Variants in TOMM70 observed in about 807,000 individuals in gnomAD.
TOMM70 encodes translocase of outer mitochondrial membrane 70.
Under a neutral mutation model 73.6 loss-of-function variants are expected in TOMM70, and 13 were observed. The observed-to-expected ratio is 0.18, with a 90% confidence interval of 0.11 to 0.28. The LOEUF is 0.28. TOMM70 is among the 10% of genes least tolerant of loss of function. The pLI is 1.00. For missense variants in TOMM70, 609 were observed against 747.5 expected, an observed-to-expected ratio of 0.81 and a Z score of 2.16; for synonymous variants, 257 against 271.2, an observed-to-expected ratio of 0.95 and a Z score of 0.51.
chr3:100,365,480 A>T lies in TOMM70; in HGVS notation c.*84T>A. 1.3e-6 allele frequency: 2 copies of T among 1,556,648 alleles called. No homozygotes were observed. The highest frequency in any genetic ancestry group is 1.8e-6 in the Non-Finnish European group (2 of 1,141,098). The stretch of plus-strand genomic sequence containing the variant: ...CAGAAATACTGATTTCCACCATTCA[A>T]CACAGTTCATGACAGTGTCTTTAGG... On this transcript the variant is annotated 3_prime_UTR_variant, in exon 12 of 12. Coordinates refer to ENST00000284320, the MANE Select transcript of TOMM70 (RefSeq NM_014820.5).
At chr3:100,388,875 G>T (rs1450890674) in intron 1 of TOMM70, among the ~76,000 whole-genome samples, 1 of 152,154 alleles carries the variant, frequency 6.6e-6, no homozygotes, top group Non-Finnish European at 1.5e-5. Context: ...GCGAGCTGAG[G>T]AGCAAATTAA....
At chr3:100,367,677 C>T (rs766241004) in intron 11 of TOMM70, among the ~76,000 whole-genome samples, 12 of 152,214 alleles carry the variant, frequency 7.9e-5, no homozygotes, top group Non-Finnish European at 1.5e-4. Context: ...AAACAGCTGT[C>T]ACCTTTTAAT....
chr3:100,363,951 A>C lies in TOMM70; in HGVS notation c.*1613T>G. On this transcript the variant is annotated 3_prime_UTR_variant, in exon 12 of 12. Transcript: ENST00000284320. Reference sequence around the variant, plus strand: ...TCTAAAAAAGATAGCATTTGTAGACAAATCTTTTTGGTTTCAACAGAATTA... The same window carrying C: ...TCTAAAAAAGATAGCATTTGTAGACCAATCTTTTTGGTTTCAACAGAATTA... The C allele has an allele frequency of 6.6e-6, 1 of 152,186 alleles. No individual in the cohort carries two copies. The highest frequency in any genetic ancestry group is 1.9e-4 in the East Asian group (1 of 5,188). 9.4% of individuals were successfully genotyped at this position (152,186 alleles called of 1,614,324 possible).
chr3:100,369,940 A>G (rs762072170), intron 9 of TOMM70, among the ~76,000 whole-genome samples: 24 of 152,244 alleles, frequency 1.6e-4, no homozygotes, highest in Non-Finnish European at 2.8e-4. Flanking sequence ...ATCTCCAAAA[A>G]TAATTCCCTA....
rs1402542446 is a variant in TOMM70, at chr3:100,364,679, C to A, written c.*885G>T. 6.6e-6 allele frequency: 1 copy of A among 152,160 alleles called. No individual in the cohort carries two copies. The highest frequency in any genetic ancestry group is 2.4e-5 in the African/African-American group (1 of 41,430). 9.4% of individuals were successfully genotyped at this position (152,160 alleles called of 1,614,324 possible). A position where few individuals can be genotyped will look rare whatever the true frequency, so the allele number is the denominator to read the frequency against. On this transcript the variant is annotated 3_prime_UTR_variant, in exon 12 of 12. Coordinates refer to ENST00000284320, the MANE Select transcript of TOMM70 (RefSeq NM_014820.5). ...CCTGGTCTCAAGCCTCTTGCCTCAG[C>A]CTCCCTAGTAGCTGAGACTATAAAT...
chr3:100,370,992 C>G (rs753514632), intron 9 of TOMM70, among the ~76,000 whole-genome samples: 7 of 152,122 alleles, frequency 4.6e-5, no homozygotes, highest in Non-Finnish European at 8.8e-5. Context: ...GCTGTCATTT[C>G]CTGGTTTGTT....
chr3:100,366,419 T>C (rs1265276569), intron 11 of TOMM70, among the ~76,000 whole-genome samples: 2 of 152,216 alleles, frequency 1.3e-5, no homozygotes, highest in African/African-American at 2.4e-5. Context: ...TATATATATA[T>C]ACCTGCATAT....
At chr3:100,373,142 TA>T (rs58081220) in intron 8 of TOMM70, among the ~76,000 whole-genome samples, 24,779 of 134,924 alleles carry the variant, frequency 0.18, 3,295 homozygotes, top group East Asian at 0.5. Flanking sequence ...AATTTTTACT[TA>T]AAAAAAAAAA....
At chr3:100,373,735 T>C (rs1157473213) in intron 7 of TOMM70, 90 bp from the exon 8 acceptor site, 2 of 763,508 alleles carry the variant, frequency 2.6e-6, no homozygotes, top group African/African-American at 1.8e-5. Context: ...CTCAGCATAA[T>C]GCTGAGCATG....
At position 100,396,655 on chromosome 3, in the gene TOMM70, A is replaced by AT. The variant is rs201367017; in HGVS notation, c.324+3970dup. ...CTTCTAAAAAGCCTTGCAATTTAAA[A>AT]TTTTTTTTTAATTCTTCAAGTTTAA... On this transcript the variant is annotated intron_variant, in intron 1 of 11. Transcript: ENST00000284320. Among the ~76,000 whole-genome samples, 308 of 152,006 alleles carry AT rather than the reference A, an allele frequency of 2.0e-3. 4 individuals carry two copies. The highest frequency in any genetic ancestry group is 7.0e-3 in the African/African-American group (292 of 41,468).
At chr3:100,367,343 A>AG (rs1706456488) in intron 11 of TOMM70, among the ~76,000 whole-genome samples, 1 of 152,146 alleles carries the variant, frequency 6.6e-6, no homozygotes, top group East Asian at 1.9e-4. Flanking sequence ...GGACTACAGG[A>AG]GGGGCTGAAT....
intron 1 of TOMM70, among the ~76,000 whole-genome samples, chr3:100,398,253 G>A (rs1031149905): frequency 1.5e-4 from 23 of 151,672 alleles, no homozygotes; most frequent in African/African-American, 4.1e-4. Context: ...GCATGGTGGC[G>A]CATGCCTGTA....
At chr3:100,378,312 T>G (rs1706589398) in intron 5 of TOMM70, among the ~76,000 whole-genome samples, 1 of 151,702 alleles carries the variant, frequency 6.6e-6, no homozygotes, top group Admixed American at 6.6e-5. Context: ...TTGGCACACC[T>G]GAGTTAATTA....
At chr3:100,378,369 T>A (rs1420898346) in intron 5 of TOMM70, among the ~76,000 whole-genome samples, 3 of 150,728 alleles carry the variant, frequency 2.0e-5, no homozygotes, top group Non-Finnish European at 4.4e-5. Context: ...CAGTGTGGCA[T>A]GGGGTTGGGG....
At chr3:100,376,728 T>C (rs1257792141) in intron 6 of TOMM70, among the ~76,000 whole-genome samples, 1 of 152,206 alleles carries the variant, frequency 6.6e-6, no homozygotes, top group Non-Finnish European at 1.5e-5. Context: ...CTAATCCATT[T>C]TGAGTTAATT....
At chr3:100,372,774 A>C (rs753131271) in intron 8 of TOMM70, 52 bp from the exon 9 acceptor site, 1 of 1,408,984 alleles carries the variant, frequency 7.1e-7, no homozygotes, top group South Asian at 1.2e-5. Context: ...AAACTCATGG[A>C]ATGTTAACAT....
At chr3:100,396,583 G>A (rs1037597876) in intron 1 of TOMM70, among the ~76,000 whole-genome samples, 1 of 152,150 alleles carries the variant, frequency 6.6e-6, no homozygotes, top group African/African-American at 2.4e-5. Context: ...GTGGTCCCTC[G>A]TGATGACTCA....
At chr3:100,383,544 A>G (rs1287416160) in intron 4 of TOMM70, among the ~76,000 whole-genome samples, 2 of 151,308 alleles carry the variant, frequency 1.3e-5, no homozygotes, top group East Asian at 3.9e-4. Context: ...AAACAGAGAG[A>G]GAGACTGGGA....
chr3:100,377,767 T>C lies in TOMM70; in HGVS notation c.1030A>G (p.Asn344Asp). 5.0e-6 allele frequency: 8 copies of C among 1,614,226 alleles called. No individual in the cohort carries two copies. The highest frequency in any genetic ancestry group is 6.8e-6 in the Non-Finnish European group (8 of 1,180,044). The change falls in exon 6 of 12, where the codon AAT (asparagine) becomes GAT (aspartate). Residue 344 changes from asparagine (N) to aspartate (D), a missense_variant. Asn to Asp is a conservative substitution (Grantham distance 23). Coordinates refer to ENST00000284320, the MANE Select transcript of TOMM70 (RefSeq NM_014820.5). The stretch of plus-strand genomic sequence containing the variant: ...AAATCTGGTTTGGCTGCATTGGCAT[T>C]GCCAATAAGCAGGTAGAAGGTAGCT... ...LRATFYLLIG[N>D]ANAAKPDLDK...
Sources: gnomAD v4.1 joint callset for allele counts (sites outside exome capture counted in the v4.1 genomes callset) on GRCh38, gnomAD v4.1.1 for gene constraint, MANE v1.5 for transcripts, NCBI Gene and HGNC (gene_info 2026-07-23, HGNC 2026-07-21) for gene names.